The following TTC21B variants were observed in gnomAD, a reference collection of about 807,000 sequenced individuals.
The protein encoded by TTC21B is tetratricopeptide repeat domain 21B, also known as tetratricopeptide repeat protein 21B.
In TTC21B, 127 loss-of-function variants were observed where a neutral mutation model predicts 175.1. The ratio of observed to expected loss-of-function variants is 0.73; its 90% CI spans 0.63 to 0.84. TTC21B has a LOEUF of 0.84. TTC21B is among the 40% of genes least tolerant of loss of function. The pLI is 0.00. For synonymous variants in TTC21B, 524 were observed against 524.5 expected (o/e 1.00, Z 0.01); for missense variants, 1,561 against 1,558.3 (o/e 1.00, Z -0.03).
Position 165,927,329 on chromosome 2 carries a change from AT to A in TTC21B, c.1386+1805del, listed in dbSNP as rs1300741977. ...ATATTATATATTATATAATATATAT[AT>A]AATATATAATATATATATAATATAT... On this transcript the variant is annotated intron_variant, in intron 11 of 28. Coordinates refer to ENST00000243344, the MANE Select transcript of TTC21B (RefSeq NM_024753.5). Among the ~76,000 whole-genome samples, 365 of 90,422 alleles carry A rather than the reference AT, an allele frequency of 4.0e-3. 17 individuals are homozygous for A. The highest frequency in any genetic ancestry group is 6.9e-3 in the Non-Finnish European group (301 of 43,366). The allele number at this position is 90,422 out of a possible 152,430, so 59.3% of individuals were successfully genotyped here.
chr2:165,919,001 T>G (rs537352033), intron 13 of TTC21B, among the ~76,000 whole-genome samples: 1 of 152,244 alleles, frequency 6.6e-6, no homozygotes, highest in African/African-American at 2.4e-5. Flanking sequence ...CAGCAGAGTA[T>G]TAGTAAATGA....
intron 19 of TTC21B, among the ~76,000 whole-genome samples, chr2:165,907,428 T>G (rs1278262374): frequency 6.6e-6 from 1 of 152,146 alleles, no homozygotes; most frequent in Non-Finnish European, 1.5e-5. Context: ...TCATATGACT[T>G]CACACAAGTT....
chr2:165,933,259 GT>G (rs1686979757), intron 6 of TTC21B, among the ~76,000 whole-genome samples: 1 of 152,016 alleles, frequency 6.6e-6, no homozygotes, highest in Non-Finnish European at 1.5e-5. Flanking sequence ...TTTTTAATAT[GT>G]TTTTAAAAGA....
intron 9 of TTC21B, 90 bp downstream of exon 9, chr2:165,930,082 C>T: frequency 7.6e-7 from 1 of 1,319,440 alleles, no homozygotes; most frequent in Non-Finnish European, 1.1e-6. Flanking sequence ...TAGAAAACCA[C>T]AAAATCCATG....
chr2:165,874,993 A>G (rs993933384), intron 28 of TTC21B, among the ~76,000 whole-genome samples, 161 bp from the exon 29 acceptor site: 1 of 152,228 alleles, frequency 6.6e-6, no homozygotes, highest in Admixed American at 6.5e-5. Flanking sequence ...ATGTAACATG[A>G]TGACTCCTTT....
chr2:165,897,889 T>C (rs1685423316), intron 22 of TTC21B, among the ~76,000 whole-genome samples: 1 of 152,160 alleles, frequency 6.6e-6, no homozygotes, highest in African/African-American at 2.4e-5. Flanking sequence ...GAATAAACTG[T>C]GCCAAATATG....
At chr2:165,885,469 G>A (rs1430458136) in intron 25 of TTC21B, among the ~76,000 whole-genome samples, 1 of 152,196 alleles carries the variant, frequency 6.6e-6, no homozygotes, top group African/African-American at 2.4e-5. Flanking sequence ...AATGGTTTGA[G>A]TGTCAAATCC....
intron 21 of TTC21B, 146 bp downstream of exon 21, chr2:165,899,624 T>C: frequency 1.5e-6 from 1 of 689,158 alleles, no homozygotes; most frequent in Non-Finnish European, 2.7e-6. Flanking sequence ...TCTTTATTGG[T>C]AAAATGTAGT....
chr2:165,950,919 T>C (rs1411718168), intron 1 of TTC21B, among the ~76,000 whole-genome samples: 19 of 152,136 alleles, frequency 1.2e-4, no homozygotes, highest in Admixed American at 1.2e-3. Context: ...ACAGCTCTGT[T>C]TTATATAGTC....
At chr2:165,905,455 G>C (rs1039970600) in intron 19 of TTC21B, among the ~76,000 whole-genome samples, 1 of 151,950 alleles carries the variant, frequency 6.6e-6, no homozygotes, top group Non-Finnish European at 1.5e-5. Flanking sequence ...AAAGAATGCA[G>C]GAGATATACC....
chr2:165,942,877 T>C (rs1052149941), intron 5 of TTC21B, among the ~76,000 whole-genome samples: 1 of 152,202 alleles, frequency 6.6e-6, no homozygotes, highest in East Asian at 1.9e-4. Context: ...ATAAGCTCCA[T>C]AAAAACAAGA....
intron 5 of TTC21B, among the ~76,000 whole-genome samples, chr2:165,941,631 C>T (rs572887999): frequency 5.9e-5 from 9 of 152,038 alleles, no homozygotes; most frequent in Admixed American, 1.3e-4. Context: ...ACAGTTCAAA[C>T]AAATCCCTCT....
At chr2:165,912,398 T>C (rs990726738) in intron 17 of TTC21B, 116 bp downstream of exon 17, 7 of 818,816 alleles carry the variant, frequency 8.5e-6, no homozygotes, top group Admixed American at 3.5e-5. Flanking sequence ...AGTTCATAAA[T>C]ACAGATTTGG....
rs923670029 is a variant in TTC21B, at chr2:165,913,642, T to C, written c.2143A>G (p.Ile715Val). 6.2e-7 allele frequency: 1 copy of C among 1,611,842 alleles called. No homozygotes were observed. Among genetic ancestry groups the C allele is most frequent in the African/African-American group, 1.3e-5 (1 of 74,878 alleles). The change falls in exon 16 of 29, where the codon ATT becomes GTT. Residue 715 changes from isoleucine to valine, a missense_variant. Coordinates refer to ENST00000243344, the MANE Select transcript of TTC21B (RefSeq NM_024753.5). ...KMLYITCFRE[I>V]AERMANPRSF... is the part of the protein sequence containing the mutation. ...CGAGGGTTAGCCATTCTTTCAGCAATTTCTCTGGAAATCAGACCAACATTA... is the reference window on the plus strand; with the variant it reads ...CGAGGGTTAGCCATTCTTTCAGCAACTTCTCTGGAAATCAGACCAACATTA...
At chr2:165,918,205 A>AT (rs1277770273) in intron 13 of TTC21B, among the ~76,000 whole-genome samples, 1 of 152,128 alleles carries the variant, frequency 6.6e-6, no homozygotes. Flanking sequence ...TTCCTCAGAG[A>AT]TTTTGACTCA....
At position 165,953,771 on chromosome 2, in the gene TTC21B, G is replaced by C; in HGVS notation, c.-66C>G. The C allele has an allele frequency of 6.5e-7, 1 of 1,545,378 alleles. No homozygotes were observed. On this transcript the variant is annotated 5_prime_UTR_variant, in exon 1 of 29. Coordinates refer to ENST00000243344, the MANE Select transcript of TTC21B (RefSeq NM_024753.5). ...TCGCCGCAGCCTAAAGGAAGACGCA[G>C]AATTCAGCTCCCCTAGCCTCCCGGA...
Position 165,932,436 on chromosome 2 carries a change from G to A in TTC21B, c.795+537C>T, listed in dbSNP as rs2105347953. Among the ~76,000 whole-genome samples, 2 of 152,122 alleles carry A rather than the reference G, an allele frequency of 1.3e-5. 1 individual carries two copies. Among genetic ancestry groups the A allele is most frequent in the South Asian group, 4.1e-4 (2 of 4,826 alleles). ...TAAACAAAATGCAAATCTACTACAT[G>A]TTATACTAATATTACTTCCTTCAGA... On this transcript the variant is annotated intron_variant, in intron 7 of 28. Transcript: ENST00000243344.
chr2:165,930,109 C>T, intron 9 of TTC21B, 63 bp downstream of exon 9: 6 of 1,489,200 alleles, frequency 4.0e-6, no homozygotes, highest in Non-Finnish European at 5.6e-6. Context: ...TCTCTAATGG[C>T]AAGTTAAAAG....
Position 165,901,928 on chromosome 2 carries a change from A to C in TTC21B, c.2569-18T>G. On this transcript the variant is annotated intron_variant, in intron 19 of 28. Coordinates refer to ENST00000243344, the MANE Select transcript of TTC21B (RefSeq NM_024753.5). ...TCTCGAGCCTAGAAAAAATCAGTAT[A>C]AAAGGGAATAAAAAAAAAAAAGGAA... is the stretch of plus-strand genomic sequence containing the variant. 5.6e-6 allele frequency: 9 copies of C among 1,599,620 alleles called. No homozygotes were observed. Among genetic ancestry groups the C allele is most frequent in the Non-Finnish European group, 6.8e-6 (8 of 1,169,270 alleles).
Sources: allele counts gnomAD v4.1 joint callset (sites outside exome capture counted in the v4.1 genomes callset), GRCh38; gene constraint gnomAD v4.1.1; transcripts MANE v1.5; gene names NCBI Gene and HGNC (gene_info 2026-07-23, HGNC 2026-07-21).